Variants in FNBP1L observed in about 807,000 individuals in gnomAD.
FNBP1L encodes the protein formin binding protein 1 like, also known as formin-binding protein 1-like.
A neutral mutation model predicts 91.2 loss-of-function variants in FNBP1L; 36 were observed. The observed-to-expected ratio is 0.39, with a 90% CI of 0.30 to 0.52. The LOEUF is 0.52. Ranked by LOEUF, FNBP1L falls within the 20% of genes least tolerant of loss-of-function variation. The pLI is 0.66. For missense variants in FNBP1L, 571 were observed against 732.1 expected, an observed-to-expected ratio of 0.78 and a Z score of 2.54; for synonymous variants, 242 against 237.0, an observed-to-expected ratio of 1.02 and a Z score of -0.19.
Position 93,529,673 on chromosome 1 carries a change from G to C in FNBP1L, c.427G>C (p.Glu143Gln). The change falls in exon 6 of 17, where the codon GAA becomes CAA. Residue 143 changes from glutamate (E) to glutamine (Q), a missense_variant. Physicochemically the swap from Glu to Gln is conservative, Grantham distance 29. Around this residue, in one of 5 missense-constraint regions of FNBP1L, gnomAD observed 220 missense variants for 313.6 expected, o/e 0.70. Transcript: ENST00000271234. ...ACAGAGTAAAAAGAAGTTTGAAAGAGAATGTAGAGAGGCAGAAAAGGCACA... is the reference window on the plus strand; with the variant it reads ...ACAGAGTAAAAAGAAGTTTGAAAGACAATGTAGAGAGGCAGAAAAGGCACA... ...MDNSKKKFER[E>Q]CREAEKAQQS... 6.6e-7 allele frequency: 1 copy of C among 1,504,924 alleles called. No individual in the cohort carries two copies. The highest frequency in any genetic ancestry group is 8.8e-7 in the Non-Finnish European group (1 of 1,131,444). The allele number at this position is 1,504,924 out of a possible 1,614,324, so 93.2% of individuals were successfully genotyped here. A position where few individuals can be genotyped will look rare whatever the true frequency, so the allele number is the denominator to read the frequency against.
intron 1 of FNBP1L, among the ~76,000 whole-genome samples, chr1:93,494,988 C>T (rs931277903): frequency 2.0e-5 from 3 of 150,922 alleles, no homozygotes; most frequent in Admixed American, 1.3e-4. Flanking sequence ...AGTTACCTCC[C>T]GTGAAGTCCA....
chr1:93,482,967 G>A (rs1346279382), intron 1 of FNBP1L, among the ~76,000 whole-genome samples: 1 of 150,630 alleles, frequency 6.6e-6, no homozygotes, highest in Middle Eastern at 3.4e-3. Flanking sequence ...GCAGTGAGCC[G>A]AGATCGTGCC....
chr1:93,552,400 G>C lies in FNBP1L; in HGVS notation c.1811-9G>C. The stretch of plus-strand genomic sequence containing the variant: ...TAATTGTTCTTTTCTTTTTCCTCCT[G>C]GACTGCAGGTTCCTGAAGAGGGTTT... On this transcript the variant is annotated splice_polypyrimidine_tract_variant and intron_variant, in intron 16 of 16. Transcript: ENST00000271234. 1 of 1,611,666 alleles carries C rather than the reference G, an allele frequency of 6.2e-7. No homozygotes were observed. Among genetic ancestry groups the C allele is most frequent in the Non-Finnish European group, 8.5e-7 (1 of 1,178,980 alleles).
chr1:93,498,233 AAAGG>A (rs949191758), intron 1 of FNBP1L, among the ~76,000 whole-genome samples: 1 of 152,186 alleles, frequency 6.6e-6, no homozygotes, highest in African/African-American at 2.4e-5. Context: ...TTAGAAAAAT[AAAGG>A]AAGATTGTTT....
intron 3 of FNBP1L, among the ~76,000 whole-genome samples, chr1:93,523,033 A>C (rs566969485): frequency 6.6e-6 from 1 of 152,328 alleles, no homozygotes; most frequent in South Asian, 2.1e-4. Flanking sequence ...GTTCATTCCC[A>C]AGCTCAGGCC....
chr1:93,536,537 T>C, intron 10 of FNBP1L, 47 bp downstream of exon 10: 2 of 1,480,312 alleles, frequency 1.4e-6, no homozygotes, highest in East Asian at 2.5e-5. Flanking sequence ...ATTGTGTGTG[T>C]AGTGTGGCTT....
intron 1 of FNBP1L, among the ~76,000 whole-genome samples, chr1:93,481,212 TTAGA>T (rs913451222): frequency 3.3e-5 from 5 of 152,310 alleles, no homozygotes; most frequent in African/African-American, 9.6e-5. Flanking sequence ...ATATAAGCAG[TTAGA>T]TAGGCCCCAG....
rs1353066510 is a variant in FNBP1L, at chr1:93,499,622, CA to C, written c.140+40del. On this transcript the variant is annotated intron_variant, in intron 2 of 16. Coordinates refer to ENST00000271234, the MANE Select transcript of FNBP1L (RefSeq NM_001164473.3). ...TTTTTCAGTTTTTAGAATGAAATTA[CA>C]TGTTTAAACAGTTGAATATTAGAGG... The C allele has an allele frequency of 2.6e-6, 3 of 1,161,508 alleles. No individual in the cohort carries two copies. The African/African-American group carries it at 4.7e-5, about 18-fold the overall frequency. 72.0% of individuals were successfully genotyped at this position (1,161,508 alleles called of 1,614,324 possible).
chr1:93,482,725 C>G (rs930506415), intron 1 of FNBP1L, among the ~76,000 whole-genome samples: 3 of 151,862 alleles, frequency 2.0e-5, no homozygotes, highest in Admixed American at 6.6e-5. Flanking sequence ...AAACCCCTCT[C>G]TCTACAAAAA....
Position 93,546,827 on chromosome 1 carries a change from C to G in FNBP1L, c.1275-15C>G. The G allele has an allele frequency of 6.2e-7, 1 of 1,610,314 alleles. No individual in the cohort carries two copies. The highest frequency in any genetic ancestry group is 1.1e-5 in the South Asian group (1 of 90,296). On this transcript the variant is annotated splice_polypyrimidine_tract_variant and intron_variant, in intron 12 of 16. Coordinates refer to ENST00000271234, the MANE Select transcript of FNBP1L (RefSeq NM_001164473.3). ...GAAGTTAATATTTAATTCTGGGGTT[C>G]CTTCTCTTTTTTAGAGATGCACTCA...
At chr1:93,512,660 T>C (rs918404836) in intron 2 of FNBP1L, among the ~76,000 whole-genome samples, 1 of 148,844 alleles carries the variant, frequency 6.7e-6, no homozygotes, top group Admixed American at 6.7e-5. Flanking sequence ...AACAACCTGC[T>C]CCTGAATGAC....
intron 1 of FNBP1L, among the ~76,000 whole-genome samples, chr1:93,491,422 C>T (rs546948555): frequency 6.7e-6 from 1 of 150,276 alleles, no homozygotes; most frequent in African/African-American, 2.4e-5. Flanking sequence ...CAGGGTCTTG[C>T]TCTGTCACCC....
At chr1:93,459,977 G>GTGTGT (rs1553207644) in intron 1 of FNBP1L, among the ~76,000 whole-genome samples, 2 of 128,370 alleles carry the variant, frequency 1.6e-5, no homozygotes, top group East Asian at 5.3e-4. Flanking sequence ...GTGTGTGTGT[G>GTGTGT]TTTTTGGGAT....
chr1:93,548,629 C>G (rs993888223), intron 14 of FNBP1L, among the ~76,000 whole-genome samples: 12 of 152,086 alleles, frequency 7.9e-5, no homozygotes, highest in Non-Finnish European at 4.4e-5. Flanking sequence ...GATGTTATCC[C>G]TAGGACTCAA....
At chr1:93,510,254 G>A (rs1182057192) in intron 2 of FNBP1L, among the ~76,000 whole-genome samples, 1 of 152,180 alleles carries the variant, frequency 6.6e-6, no homozygotes, top group Admixed American at 6.5e-5. Flanking sequence ...CACACAGCTG[G>A]AGATCTGAGA....
At chr1:93,498,164 A>G (rs1397761291) in intron 1 of FNBP1L, among the ~76,000 whole-genome samples, 1 of 152,194 alleles carries the variant, frequency 6.6e-6, no homozygotes, top group African/African-American at 2.4e-5. Flanking sequence ...TAGAGGATAA[A>G]GAAGTGTAAT....
intron 1 of FNBP1L, among the ~76,000 whole-genome samples, chr1:93,468,156 AACAGATTTACCTATTCTGG>A (rs1453668269): frequency 6.6e-6 from 1 of 152,148 alleles, no homozygotes; most frequent in African/African-American, 2.4e-5. Flanking sequence ...TTCCTGTCTC[AACAGATTTACCTATTCTGG>A]ACATTTCATA....
chr1:93,457,335 T>C (rs920372107), intron 1 of FNBP1L, among the ~76,000 whole-genome samples: 2 of 152,252 alleles, frequency 1.3e-5, no homozygotes, highest in African/African-American at 4.8e-5. Context: ...CCTTGGTATC[T>C]GTGAGACTCA....
intron 1 of FNBP1L, among the ~76,000 whole-genome samples, chr1:93,450,179 T>A (rs1486431181): frequency 1.3e-5 from 2 of 152,098 alleles, no homozygotes; most frequent in African/African-American, 2.4e-5. Context: ...GTTTTTTTTT[T>A]AAACTTATGG....
Sources: gnomAD v4.1 joint callset for allele counts (sites outside exome capture counted in the v4.1 genomes callset) on GRCh38, gnomAD v4.1.1 for gene constraint, gnomAD v4.1.1 regional missense constraint, MANE v1.5 for transcripts, NCBI Gene and HGNC (gene_info 2026-07-23, HGNC 2026-07-21) for gene names.